The following MEI4 variants were observed in gnomAD, a reference collection of about 807,000 sequenced individuals.
MEI4 encodes the protein meiosis-specific protein MEI4.
Under a neutral mutation model 31.4 loss-of-function variants are expected in MEI4, and 27 were observed. That is an observed-to-expected ratio of 0.86 (90% CI 0.63 to 1.19). MEI4 has a LOEUF of 1.19. Ranked by LOEUF, MEI4 falls within the 50% of genes most tolerant of loss-of-function variation. The pLI, the probability that MEI4 is intolerant of heterozygous loss-of-function variation, is 0.00. For missense variants in MEI4, 329 were observed against 398.9 expected, an observed-to-expected ratio of 0.82 and a Z score of 1.49; for synonymous variants, 122 against 145.4, an observed-to-expected ratio of 0.84 and a Z score of 1.16.
At chr6:77,896,406 G>A (rs1015643925) in intron 4 of MEI4, among the ~76,000 whole-genome samples, 3 of 152,034 alleles carry the variant, frequency 2.0e-5, no homozygotes, top group African/African-American at 7.2e-5. Context: ...CACTAAAAGA[G>A]CACATTACTT....
chr6:77,859,203 CT>C (rs1157123680), intron 4 of MEI4, among the ~76,000 whole-genome samples: 1 of 152,138 alleles, frequency 6.6e-6, no homozygotes, highest in African/African-American at 2.4e-5. Flanking sequence ...GATCTCATCC[CT>C]TTTTATGGCT....
At chr6:77,652,674 C>T (rs1581990516), upstream of MEI4, among the ~76,000 whole-genome samples, 1 of 152,262 alleles carries the variant, frequency 6.6e-6, no homozygotes. Context: ...ATCCAGTAAT[C>T]ATAGCTTCCT....
intron 4 of MEI4, among the ~76,000 whole-genome samples, chr6:77,895,748 T>G (rs1396179517): frequency 6.6e-6 from 1 of 152,042 alleles, no homozygotes; most frequent in Non-Finnish European, 1.5e-5. Flanking sequence ...AAGTACCCAA[T>G]AAATATTTGT....
At chr6:77,884,700 T>C in intron 4 of MEI4, among the ~76,000 whole-genome samples, 1 of 152,208 alleles carries the variant, frequency 6.6e-6, no homozygotes, top group East Asian at 1.9e-4. Context: ...TCTATTCTTT[T>C]ACTTTGGTGG....
chr6:77,655,617 G>A (rs1412732196), intron 1 of MEI4, among the ~76,000 whole-genome samples: 3 of 152,034 alleles, frequency 2.0e-5, no homozygotes, highest in African/African-American at 4.8e-5. Context: ...ACAAATTTTA[G>A]ATATTTAGAG....
At chr6:77,778,847 A>C (rs1389202442) in intron 3 of MEI4, among the ~76,000 whole-genome samples, 6 of 152,284 alleles carry the variant, frequency 3.9e-5, no homozygotes, top group Admixed American at 1.3e-4. Flanking sequence ...AACTGGGTGC[A>C]TGGAGGTGCT....
At chr6:77,756,355 C>T (rs1767917320) in intron 2 of MEI4, among the ~76,000 whole-genome samples, 1 of 151,900 alleles carries the variant, frequency 6.6e-6, no homozygotes, top group African/African-American at 2.4e-5. Flanking sequence ...TCACAGCTGC[C>T]CACTATTATT....
intron 4 of MEI4, 150 bp downstream of exon 4, chr6:77,829,212 A>T (rs1455798590): frequency 2.4e-5 from 14 of 594,394 alleles, no homozygotes; most frequent in Non-Finnish European, 3.4e-5. Context: ...ACTGCCTACC[A>T]AAATTACAGA....
chr6:77,731,837 T>A (rs1767003615), intron 2 of MEI4, among the ~76,000 whole-genome samples: 1 of 152,076 alleles, frequency 6.6e-6, no homozygotes, highest in South Asian at 2.1e-4. Context: ...AGTTTCAGCT[T>A]TCTACATATG....
chr6:77,745,660 A>C (rs1767577193), intron 2 of MEI4, among the ~76,000 whole-genome samples: 1 of 152,176 alleles, frequency 6.6e-6, no homozygotes, highest in African/African-American at 2.4e-5. Context: ...AAATCAACAG[A>C]ATATACATTT....
chr6:77,699,414 G>A (rs1252965267), intron 2 of MEI4, among the ~76,000 whole-genome samples: 2 of 151,718 alleles, frequency 1.3e-5, no homozygotes, highest in African/African-American at 2.4e-5. Context: ...GGATGGTCTC[G>A]ATCTCCTGAC....
intron 4 of MEI4, among the ~76,000 whole-genome samples, chr6:77,860,892 C>T (rs1242141005): frequency 6.6e-6 from 1 of 152,040 alleles, no homozygotes; most frequent in Non-Finnish European, 1.5e-5. Context: ...GAACGTGTTC[C>T]TCCCATTTCT....
chr6:77,701,241 C>G (rs1766215466), intron 2 of MEI4, among the ~76,000 whole-genome samples: 1 of 152,094 alleles, frequency 6.6e-6, no homozygotes, highest in African/African-American at 2.4e-5. Flanking sequence ...AGGATTTAGT[C>G]TAGGTCTGAG....
chr6:77,742,310 A>G (rs1767431985), intron 2 of MEI4, among the ~76,000 whole-genome samples: 1 of 151,646 alleles, frequency 6.6e-6, no homozygotes, highest in Non-Finnish European at 1.5e-5. Context: ...AATGATTGCC[A>G]TTCTAACTGG....
rs1449675032 is a variant in MEI4, at chr6:77,697,342, CT to C, written c.232+6443del. On this transcript the variant is annotated intron_variant, in intron 2 of 4. Transcript: ENST00000684080. ...TGTGTTTGCTCTTGCTTTTCTTGTT[CT>C]TTTAATTGTGATGTTAGGGTGTCAA... Among the ~76,000 whole-genome samples the C allele has an allele frequency of 2.6e-5, 4 of 152,038 alleles. No homozygotes were observed. In the East Asian group the frequency reaches 7.7e-4, roughly 29 times the overall value.
At chr6:77,899,625 G>A (rs1178627479) in intron 4 of MEI4, among the ~76,000 whole-genome samples, 2 of 152,064 alleles carry the variant, frequency 1.3e-5, no homozygotes, top group African/African-American at 4.8e-5. Context: ...ATATTTTCCA[G>A]TGCTGGTGTG....
chr6:77,754,086 A>G (rs1423802095), intron 2 of MEI4, among the ~76,000 whole-genome samples: 1 of 151,366 alleles, frequency 6.6e-6, no homozygotes, highest in Non-Finnish European at 1.5e-5. Flanking sequence ...AACATCACAC[A>G]CCATGTCCTG....
At chr6:77,897,777 G>C (rs902088585) in intron 4 of MEI4, among the ~76,000 whole-genome samples, 1 of 151,564 alleles carries the variant, frequency 6.6e-6, no homozygotes, top group Non-Finnish European at 1.5e-5. Context: ...TTCTTTTCTG[G>C]GCACTTGGAT....
At position 77,923,988 on chromosome 6, in the gene MEI4, ATACT is replaced by A. The variant is rs1766780261; in HGVS notation, c.*644_*647del. 2 of 151,626 alleles carry A rather than the reference ATACT, an allele frequency of 1.3e-5. No homozygotes were observed. The highest frequency in any genetic ancestry group is 1.3e-4 in the Admixed American group (2 of 15,172). 9.4% of individuals were successfully genotyped at this position (151,626 alleles called of 1,614,324 possible). Reference sequence around the variant, plus strand: ...TAAAATGTTCTTTGTTTTTCAACAAATACTTGTTTCAATTCTGTTAATTAAATAT... The same window carrying A: ...TAAAATGTTCTTTGTTTTTCAACAAATGTTTCAATTCTGTTAATTAAATAT... On this transcript the variant is annotated 3_prime_UTR_variant, in exon 5 of 5. Coordinates refer to ENST00000684080, the MANE Select transcript of MEI4 (RefSeq NM_001322247.2).
Sources: gnomAD v4.1 joint callset for allele counts (sites outside exome capture counted in the v4.1 genomes callset) on GRCh38, gnomAD v4.1.1 for gene constraint, MANE v1.5 for transcripts, NCBI Gene and HGNC (gene_info 2026-07-23, HGNC 2026-07-21) for gene names.